CCL17: variants seen among roughly 807,000 people sequenced by gnomAD.
CCL17 encodes C-C motif chemokine 17.
A neutral mutation model predicts 7.4 loss-of-function variants in CCL17; 8 were observed. That is an observed-to-expected ratio of 1.09 (90% CI 0.64 to 1.96). The LOEUF (loss-of-function observed/expected upper bound fraction) is 1.96, where lower values mean the gene tolerates loss of function less well. Ranked by LOEUF, CCL17 falls within the 30% of genes most tolerant of loss-of-function variation. The pLI is 0.00. For synonymous variants in CCL17, 40 were observed against 46.1 expected (o/e 0.87, Z 0.54); for missense variants, 102 against 113.0 (o/e 0.90, Z 0.44).
upstream of CCL17, among the ~76,000 whole-genome samples, chr16:57,403,638 TATAAATATATATAATATATATATATATA>T (rs1567561278): frequency 2.3e-4 from 19 of 81,646 alleles, 1 homozygote; most frequent in Non-Finnish European, 3.8e-4. Flanking sequence ...TTATATATAT[TATAAATATATATAATATATATATATATA>T]TATTTTTTGA....
At chr16:57,410,159 C>T (rs1344217182) in intron 1 of CCL17, among the ~76,000 whole-genome samples, 5 of 152,188 alleles carry the variant, frequency 3.3e-5, no homozygotes, top group African/African-American at 4.8e-5. Flanking sequence ...TGGTTCCGCC[C>T]ACTGCCTCGG....
Position 57,415,931 on chromosome 16 carries a change from C to A in CCL17, c.*70C>A. 2 of 1,045,184 alleles carry A rather than the reference C, an allele frequency of 1.9e-6. No homozygotes were observed. The highest frequency in any genetic ancestry group is 1.3e-5 in the South Asian group (1 of 77,250). 64.7% of individuals were successfully genotyped at this position (1,045,184 alleles called of 1,614,324 possible). ...GGACCTCCACCGTTGGTGTTCACCGCCCCCACCCTGAGCGCCTGGGTCCAG... is the reference window on the plus strand; with the variant it reads ...GGACCTCCACCGTTGGTGTTCACCGACCCCACCCTGAGCGCCTGGGTCCAG... On this transcript the variant is annotated 3_prime_UTR_variant, in exon 4 of 4. Coordinates refer to ENST00000219244, the MANE Select transcript of CCL17 (RefSeq NM_002987.3). This position sits in a 1 kb window ranked among gnomAD's most constrained non-coding sequence, Gnocchi z 4.5.
At chr16:57,398,865 G>T in the CCL17 span, among the ~76,000 whole-genome samples, 3 of 152,190 alleles carry the variant, frequency 2.0e-5, no homozygotes, top group Non-Finnish European at 4.4e-5. Context: ...AGAAGTGGCC[G>T]AGATCTTGGG....
chr16:57,405,597 T>TG (rs1398265351), intron 1 of CCL17, among the ~76,000 whole-genome samples: 1 of 151,848 alleles, frequency 6.6e-6, no homozygotes, highest in East Asian at 1.9e-4. Context: ...CAGGTTAGTG[T>TG]GGGGGACAGA....
At chr16:57,411,579 C>A (rs528945463) in intron 1 of CCL17, among the ~76,000 whole-genome samples, 30 of 152,236 alleles carry the variant, frequency 2.0e-4, no homozygotes, top group Non-Finnish European at 3.1e-4. Flanking sequence ...AATCAGCTGT[C>A]CCTTGCAGTT....
At chr16:57,401,991 G>A (rs1485578450), upstream of CCL17, among the ~76,000 whole-genome samples, 1 of 152,232 alleles carries the variant, frequency 6.6e-6, no homozygotes, top group Non-Finnish European at 1.5e-5. Flanking sequence ...TCACCCATAA[G>A]CTGAGAGAGC....
chr16:57,401,648 G>A (rs1458733933), upstream of CCL17, among the ~76,000 whole-genome samples: 2 of 152,188 alleles, frequency 1.3e-5, no homozygotes, highest in East Asian at 3.8e-4. Flanking sequence ...GCCAAATTCT[G>A]TTCCTCTAGT....
At chr16:57,414,953 T>C in intron 2 of CCL17, 128 bp from the exon 3 acceptor site, 2 of 709,820 alleles carry the variant, frequency 2.8e-6, no homozygotes, top group Non-Finnish European at 5.2e-6. Context: ...GTGATACACA[T>C]GCAGTCATCA....
the CCL17 span, among the ~76,000 whole-genome samples, chr16:57,397,793 G>A: frequency 6.6e-6 from 1 of 152,196 alleles, no homozygotes; most frequent in Admixed American, 6.5e-5. Context: ...TTGGGTAAGT[G>A]CCACTAGTTC....
chr16:57,397,360 G>A, the CCL17 span, among the ~76,000 whole-genome samples: 8 of 152,308 alleles, frequency 5.3e-5, no homozygotes, highest in South Asian at 2.1e-4. Flanking sequence ...CTCTTCTGTC[G>A]TTAACCATCC....
the CCL17 span, among the ~76,000 whole-genome samples, chr16:57,396,538 T>C: frequency 3.3e-5 from 5 of 151,280 alleles, no homozygotes; most frequent in Non-Finnish European, 7.4e-5. Flanking sequence ...TTCAAGAGAG[T>C]GATTGAAATA....
chr16:57,404,379 G>A (rs1448600451), upstream of CCL17, among the ~76,000 whole-genome samples: 1 of 152,182 alleles, frequency 6.6e-6, no homozygotes, highest in Non-Finnish European at 1.5e-5. Flanking sequence ...TTGGAAAGCA[G>A]AGACATGAGC....
At chr16:57,400,669 G>A (rs1281277043), upstream of CCL17, among the ~76,000 whole-genome samples, 1 of 152,056 alleles carries the variant, frequency 6.6e-6, no homozygotes, top group Admixed American at 6.5e-5. Flanking sequence ...GGCACAGAGA[G>A]ATTCAGAAAT....
In CCL17 at chr16:57,415,024, C is replaced by A; in HGVS notation, c.71-57C>A. ...CTTCCACGAACACCCCCCAGAGGTC[C>A]CCGCAACACACACGCAGACACTCAC... On this transcript the variant is annotated intron_variant, in intron 2 of 3. Transcript: ENST00000219244. This position sits in a 1 kb window ranked among gnomAD's most constrained non-coding sequence, Gnocchi z 4.5. The A allele has an allele frequency of 8.7e-7, 1 of 1,154,926 alleles. No individual in the cohort carries two copies. The highest frequency in any genetic ancestry group is 1.3e-6 in the Non-Finnish European group (1 of 762,640). 71.5% of individuals were successfully genotyped at this position (1,154,926 alleles called of 1,614,324 possible).
chr16:57,400,272 T>A (rs1902573679), upstream of CCL17, among the ~76,000 whole-genome samples: 1 of 151,908 alleles, frequency 6.6e-6, no homozygotes, highest in South Asian at 2.1e-4. Flanking sequence ...GCTAGGAGAA[T>A]GGCGTGAACC....
At chr16:57,398,070 A>G in the CCL17 span, among the ~76,000 whole-genome samples, 1 of 152,186 alleles carries the variant, frequency 6.6e-6, no homozygotes, top group Non-Finnish European at 1.5e-5. Flanking sequence ...GCACAGGTGC[A>G]TATTTGAAGC....
chr16:57,404,211 T>C (rs1478753975), upstream of CCL17, among the ~76,000 whole-genome samples: 1 of 151,988 alleles, frequency 6.6e-6, no homozygotes, highest in Non-Finnish European at 1.5e-5. Context: ...GTCCTCTGCG[T>C]GAGGTGGAGA....
rs1297170664 is a variant in CCL17, at chr16:57,415,975, G to A, written c.*114G>A. The A allele has an allele frequency of 1.5e-5, 10 of 671,528 alleles. No homozygotes were observed. In the East Asian group the frequency reaches 2.2e-4, roughly 15 times the overall value. 41.6% of individuals were successfully genotyped at this position (671,528 alleles called of 1,614,324 possible). ...GGTCCAGGGGAGGCCTTCCAGGGACGAAGAAGAGCCACAGTGAGGGAGATC... is the reference window on the plus strand; with the variant it reads ...GGTCCAGGGGAGGCCTTCCAGGGACAAAGAAGAGCCACAGTGAGGGAGATC... On this transcript the variant is annotated 3_prime_UTR_variant, in exon 4 of 4. Coordinates refer to ENST00000219244, the MANE Select transcript of CCL17 (RefSeq NM_002987.3). The surrounding 1 kb of genome is among the most constrained non-coding windows in gnomAD (Gnocchi z 4.5).
upstream of CCL17, among the ~76,000 whole-genome samples, chr16:57,401,280 T>C (rs566348749): frequency 9.9e-5 from 15 of 152,010 alleles, no homozygotes; most frequent in South Asian, 3.1e-3. Context: ...TCCTAGCACT[T>C]TGGGAGGCCA....
Sources: allele counts gnomAD v4.1 joint callset (sites outside exome capture counted in the v4.1 genomes callset), GRCh38; gene constraint gnomAD v4.1.1; non-coding constraint Gnocchi (gnomAD v3.1); transcripts MANE v1.5; gene names NCBI Gene and HGNC (gene_info 2026-07-23, HGNC 2026-07-21).